Variants in NRG1 observed in about 807,000 individuals in gnomAD.
NRG1 encodes pro-neuregulin-1, membrane-bound isoform.
A neutral mutation model predicts 63.8 loss-of-function variants in NRG1; 18 were observed. The ratio of observed to expected loss-of-function variants is 0.28; its 90% confidence interval spans 0.19 to 0.42. The LOEUF (loss-of-function observed/expected upper bound fraction) is 0.42, where lower values mean the gene tolerates loss of function less well. Ranked by LOEUF, NRG1 falls within the 10% of genes least tolerant of loss-of-function variation. The pLI is 1.00. For synonymous variants in NRG1, 302 were observed against 301.3 expected (o/e 1.00, Z -0.02); for missense variants, 762 against 814.7 (o/e 0.94, Z 0.79).
intron 1 of NRG1, among the ~76,000 whole-genome samples, chr8:31,989,683 A>G (rs1810729154): frequency 6.6e-6 from 1 of 152,124 alleles, no homozygotes; most frequent in Non-Finnish European, 1.5e-5. Context: ...AATCCAATAT[A>G]AGCATGCCAT....
chr8:32,428,654 T>C (rs1422596032), intron 1 of NRG1, among the ~76,000 whole-genome samples: 1 of 152,192 alleles, frequency 6.6e-6, no homozygotes, highest in Non-Finnish European at 1.5e-5. Flanking sequence ...ACTAAATACC[T>C]GGTGCTGAGG....
chr8:31,655,063 G>A (rs1805298896), intron 1 of NRG1, among the ~76,000 whole-genome samples: 1 of 152,110 alleles, frequency 6.6e-6, no homozygotes, highest in Non-Finnish European at 1.5e-5. Flanking sequence ...TATTATAGTT[G>A]CCATTCTTAG....
chr8:32,416,699 T>C (rs1029395415), intron 1 of NRG1, among the ~76,000 whole-genome samples: 3 of 152,178 alleles, frequency 2.0e-5, no homozygotes, highest in African/African-American at 7.2e-5. Context: ...TGTTTTGTTT[T>C]GTTTTTGAGA....
Position 31,640,356 on chromosome 8 carries a change from G to T in NRG1, c.37+925G>T, listed in dbSNP as rs1186888582. The T allele has an allele frequency of 1.6e-6, 2 of 1,233,820 alleles. No individual in the cohort carries two copies. Among genetic ancestry groups the T allele is most frequent in the African/African-American group, 3.2e-5 (2 of 63,372 alleles). The allele number at this position is 1,233,820 out of a possible 1,614,324, so 76.4% of individuals were successfully genotyped here. A position where few individuals can be genotyped will look rare whatever the true frequency, so the allele number is the denominator to read the frequency against. On this transcript the variant is annotated intron_variant, in intron 1 of 10. Transcript: ENST00000519301. This position sits in a 1 kb window ranked among gnomAD's most constrained non-coding sequence, Gnocchi z 6.3. ...AGCCGCCAGCCGCGGGCCCACGGGC[G>T]CTGGGGCCGCCCGCCGAGGAGCCGC... is the stretch of plus-strand genomic sequence containing the variant.
intron 1 of NRG1, among the ~76,000 whole-genome samples, chr8:31,776,367 G>A (rs1298900834): frequency 6.6e-6 from 1 of 152,194 alleles, no homozygotes; most frequent in African/African-American, 2.4e-5. Context: ...CGCCAAGGAT[G>A]CCGGACTTGC....
At chr8:32,339,394 A>C (rs1272581485) in intron 1 of NRG1, among the ~76,000 whole-genome samples, 1 of 152,194 alleles carries the variant, frequency 6.6e-6, no homozygotes, top group African/African-American at 2.4e-5. Flanking sequence ...GAGAATAAGC[A>C]TCTCCATCCA....
chr8:31,895,208 A>G (rs1277897542), intron 1 of NRG1, among the ~76,000 whole-genome samples: 1 of 152,174 alleles, frequency 6.6e-6, no homozygotes, highest in African/African-American at 2.4e-5. Context: ...GTGCACTGGT[A>G]TCTGTATTTT....
intron 1 of NRG1, among the ~76,000 whole-genome samples, chr8:31,984,108 T>G (rs1809627954): frequency 1.3e-5 from 2 of 152,204 alleles, no homozygotes; most frequent in South Asian, 4.1e-4. Flanking sequence ...CAAAGACTCA[T>G]AGTGGATATT....
At chr8:31,847,588 C>T (rs1480907080) in intron 1 of NRG1, among the ~76,000 whole-genome samples, 1 of 152,166 alleles carries the variant, frequency 6.6e-6, no homozygotes, top group African/African-American at 2.4e-5. Flanking sequence ...CCAGTCTTTG[C>T]TCATGTCACT....
intron 1 of NRG1, among the ~76,000 whole-genome samples, chr8:31,710,923 T>C (rs73672717): frequency 0.074 from 11,266 of 152,188 alleles, 1,370 homozygotes; most frequent in African/African-American, 0.25. Context: ...GTTGTCTGTG[T>C]ACTTCCCTTT....
At chr8:31,825,469 A>G (rs1824459442) in intron 1 of NRG1, among the ~76,000 whole-genome samples, 1 of 152,168 alleles carries the variant, frequency 6.6e-6, no homozygotes, top group Non-Finnish European at 1.5e-5. Context: ...AAGAGCAGGG[A>G]AAGGAGAGTG....
intron 1 of NRG1, among the ~76,000 whole-genome samples, chr8:32,179,914 C>T (rs187999312): frequency 5.9e-5 from 9 of 152,014 alleles, no homozygotes; most frequent in South Asian, 2.1e-4. Context: ...GGACTAAACA[C>T]GAAGGTTTGA....
At chr8:31,752,061 C>T (rs1503486) in intron 1 of NRG1, among the ~76,000 whole-genome samples, 67,275 of 151,686 alleles carry the variant, frequency 0.44, 15,878 homozygotes, top group East Asian at 0.66. Context: ...GATTCACAAA[C>T]TCGGGAATGA....
At chr8:32,224,675 C>T (rs1436561740) in intron 1 of NRG1, among the ~76,000 whole-genome samples, 1 of 152,162 alleles carries the variant, frequency 6.6e-6, no homozygotes, top group East Asian at 1.9e-4. Flanking sequence ...TCTCTCTAGA[C>T]AAAGGATCAC....
intron 1 of NRG1, among the ~76,000 whole-genome samples, chr8:32,041,596 A>G (rs1820046585): frequency 6.6e-6 from 1 of 152,196 alleles, no homozygotes; most frequent in Non-Finnish European, 1.5e-5. Context: ...AGTGACGGTG[A>G]CAGCAGCTGA....
intron 1 of NRG1, among the ~76,000 whole-genome samples, chr8:32,342,710 C>T (rs1804226467): frequency 1.3e-5 from 2 of 152,266 alleles, no homozygotes; most frequent in Middle Eastern, 3.4e-3. Context: ...AATATTGGTG[C>T]ATATTAGAAA....
intron 1 of NRG1, among the ~76,000 whole-genome samples, chr8:32,578,152 G>A (rs1464870900): frequency 2.6e-5 from 4 of 151,958 alleles, no homozygotes; most frequent in East Asian, 1.9e-4. Flanking sequence ...CTGCCACCAC[G>A]CCCGGATAAT....
At chr8:32,758,831 C>T (rs1006025975) in intron 9 of NRG1, among the ~76,000 whole-genome samples, 1 of 151,964 alleles carries the variant, frequency 6.6e-6, no homozygotes, top group African/African-American at 2.4e-5. Flanking sequence ...AAGGTAGGCC[C>T]AACATATAGA....
At chr8:32,681,737 G>C (rs1260536885) in intron 5 of NRG1, among the ~76,000 whole-genome samples, 1 of 152,032 alleles carries the variant, frequency 6.6e-6, no homozygotes, top group Admixed American at 6.6e-5. Flanking sequence ...AGCAAGTTTG[G>C]GACACTTACA....
Sources: gnomAD v4.1 joint callset for allele counts (sites outside exome capture counted in the v4.1 genomes callset) on GRCh38, gnomAD v4.1.1 for gene constraint, Gnocchi (gnomAD v3.1) non-coding constraint, MANE v1.5 for transcripts, NCBI Gene and HGNC (gene_info 2026-07-23, HGNC 2026-07-21) for gene names.